CAMK4: variants seen among roughly 807,000 people sequenced by gnomAD.
CAMK4 encodes the protein calcium/calmodulin dependent protein kinase IV, also known as calcium/calmodulin-dependent protein kinase type IV.
A neutral mutation model predicts 44.9 loss-of-function variants in CAMK4; 22 were observed. The observed-to-expected ratio is 0.49, with a 90% confidence interval of 0.35 to 0.70. The LOEUF (loss-of-function observed/expected upper bound fraction) is 0.70. Among genes scored for constraint, CAMK4 ranks in the 30% least tolerant of loss-of-function variants. The probability of loss-of-function intolerance (pLI) is 0.01; values close to 1 mark genes in which losing one functional copy is unlikely to be tolerated. For synonymous variants in CAMK4, 218 were observed against 215.4 expected, an observed-to-expected ratio of 1.01 and a Z score of -0.11; for missense variants, 498 against 586.8, an observed-to-expected ratio of 0.85 and a Z score of 1.56.
In CAMK4 at chr5:111,374,847, T is replaced by A; in HGVS notation, c.241-3T>A. 1 of 1,603,100 alleles carries A rather than the reference T, an allele frequency of 6.2e-7. No individual in the cohort carries two copies. Among genetic ancestry groups the A allele is most frequent in the Non-Finnish European group, 8.5e-7 (1 of 1,170,424 alleles). Reference sequence around the variant, plus strand: ...AGTTTATCTCTTTTATTTTGCCTTTTAGGTGGACAAAAAAATCGTAAGAAC... The same window carrying A: ...AGTTTATCTCTTTTATTTTGCCTTTAAGGTGGACAAAAAAATCGTAAGAAC... On this transcript the variant is annotated splice_polypyrimidine_tract_variant and splice_region_variant and intron_variant, in intron 2 of 10. Coordinates refer to ENST00000282356, the MANE Select transcript of CAMK4 (RefSeq NM_001744.6).
At position 111,289,688 on chromosome 5, in the gene CAMK4, T is replaced by C. The variant is rs561400626; in HGVS notation, c.162-54336T>C. On this transcript the variant is annotated intron_variant, in intron 1 of 10. Coordinates refer to ENST00000282356, the MANE Select transcript of CAMK4 (RefSeq NM_001744.6). ...TGACTGCTGGGTAGTTCCACATCTT[T>C]ATCCCCAAGAGATCTAAACCTTTAG... Among the ~76,000 whole-genome samples the C allele has an allele frequency of 1.1e-3, 160 of 152,340 alleles. 1 individual carries two copies. The highest frequency in any genetic ancestry group is 3.7e-3 in the African/African-American group (153 of 41,578).
At chr5:111,243,228 G>T (rs1730508437) in intron 1 of CAMK4, among the ~76,000 whole-genome samples, 1 of 152,194 alleles carries the variant, frequency 6.6e-6, no homozygotes, top group Admixed American at 6.5e-5. Flanking sequence ...TTATAGCCAA[G>T]GGGCAAGGAC....
intron 1 of CAMK4, among the ~76,000 whole-genome samples, chr5:111,275,193 G>A (rs913948714): frequency 6.6e-6 from 1 of 152,030 alleles, no homozygotes; most frequent in African/African-American, 2.4e-5. Flanking sequence ...ACTATTAACT[G>A]TGGTCACTAT....
chr5:111,269,506 G>T (rs1158439553), intron 1 of CAMK4, among the ~76,000 whole-genome samples: 1 of 152,128 alleles, frequency 6.6e-6, no homozygotes, highest in African/African-American at 2.4e-5. Context: ...TTGCTGTGCA[G>T]TGGCTGGTCT....
At chr5:111,457,677 A>G (rs1279888907) in intron 7 of CAMK4, among the ~76,000 whole-genome samples, 3 of 152,258 alleles carry the variant, frequency 2.0e-5, no homozygotes, top group African/African-American at 4.8e-5. Context: ...ACATGAACAC[A>G]TATGAAAAAT....
At chr5:111,428,231 C>G (rs997614408) in intron 5 of CAMK4, among the ~76,000 whole-genome samples, 3 of 152,360 alleles carry the variant, frequency 2.0e-5, no homozygotes, top group African/African-American at 7.2e-5. Context: ...CACGTCCTTT[C>G]AAATATCTGA....
chr5:111,244,752 T>C (rs1361310254), intron 1 of CAMK4, among the ~76,000 whole-genome samples: 1 of 152,030 alleles, frequency 6.6e-6, no homozygotes, highest in Admixed American at 6.6e-5. Context: ...TCCCAGCTAC[T>C]TGGGGGGCTG....
intron 7 of CAMK4, among the ~76,000 whole-genome samples, chr5:111,464,246 T>C (rs1370424411): frequency 6.6e-6 from 1 of 151,520 alleles, no homozygotes; most frequent in African/African-American, 2.4e-5. Flanking sequence ...GCTTCAGAGC[T>C]CGAAGACAAA....
rs191288838 is a variant in CAMK4, at chr5:111,375,812, C to G, written c.303+900C>G. ...CAGTGCATTGACTTTCATCCTCATGCTTTTCCCTCCTGGGCCTAACATGGC... is the reference window on the plus strand; with the variant it reads ...CAGTGCATTGACTTTCATCCTCATGGTTTTCCCTCCTGGGCCTAACATGGC... On this transcript the variant is annotated intron_variant, in intron 3 of 10. Coordinates refer to ENST00000282356, the MANE Select transcript of CAMK4 (RefSeq NM_001744.6). Among the ~76,000 whole-genome samples, 11 of 152,266 alleles carry G rather than the reference C, an allele frequency of 7.2e-5. No homozygotes were observed. The East Asian group carries it at 1.9e-3, about 27-fold the overall frequency.
At chr5:111,480,249 A>AACAC (rs532395570) in intron 9 of CAMK4, among the ~76,000 whole-genome samples, 4,589 of 121,218 alleles carry the variant, frequency 0.038, 118 homozygotes, top group Middle Eastern at 0.08. Context: ...TAGGCATGTA[A>AACAC]ACACACACAC....
intron 1 of CAMK4, among the ~76,000 whole-genome samples, chr5:111,251,322 G>C (rs138767564): frequency 1.0e-3 from 159 of 152,306 alleles, no homozygotes; most frequent in African/African-American, 3.2e-3. Flanking sequence ...TCATTTCAGA[G>C]GAAGAGATTT....
At chr5:111,330,576 C>A (rs997940464) in intron 1 of CAMK4, among the ~76,000 whole-genome samples, 8 of 151,428 alleles carry the variant, frequency 5.3e-5, no homozygotes, top group African/African-American at 1.9e-4. Context: ...AACCAGAATA[C>A]CCCAAGTTAT....
chr5:111,461,652 T>A (rs1460237913), intron 7 of CAMK4, among the ~76,000 whole-genome samples: 1 of 151,754 alleles, frequency 6.6e-6, no homozygotes, highest in East Asian at 1.9e-4. Context: ...TAACACTGCT[T>A]TTCAGCCTCC....
intron 5 of CAMK4, among the ~76,000 whole-genome samples, chr5:111,408,430 A>G (rs1752514579): frequency 1.3e-5 from 2 of 152,200 alleles, no homozygotes; most frequent in African/African-American, 4.8e-5. Context: ...CTTATTCACT[A>G]CCATGAGAAT....
At chr5:111,434,484 C>T (rs13188417) in intron 5 of CAMK4, among the ~76,000 whole-genome samples, 18,216 of 152,104 alleles carry the variant, frequency 0.12, 1,205 homozygotes, top group South Asian at 0.13. Flanking sequence ...TCAGGGGCCC[C>T]GAAGCTTGGC....
chr5:111,442,319 C>T (rs935176025), intron 5 of CAMK4, among the ~76,000 whole-genome samples: 16 of 152,036 alleles, frequency 1.1e-4, no homozygotes, highest in African/African-American at 3.9e-4. Flanking sequence ...CATGGTGAAA[C>T]CCTGTCTCTA....
In CAMK4 at chr5:111,488,364, G is replaced by C. The variant is rs1316379286; in HGVS notation, c.*3898G>C. Reference sequence around the variant, plus strand: ...GCCATTACACATGGATTTAACAAAAGACTTTTGAAAATTTTTTACATACTG... The same window carrying C: ...GCCATTACACATGGATTTAACAAAACACTTTTGAAAATTTTTTACATACTG... On this transcript the variant is annotated 3_prime_UTR_variant, in exon 11 of 11. Coordinates refer to ENST00000282356, the MANE Select transcript of CAMK4 (RefSeq NM_001744.6). 1.3e-5 allele frequency: 2 copies of C among 152,112 alleles called. No individual in the cohort carries two copies. The highest frequency in any genetic ancestry group is 2.4e-5 in the African/African-American group (1 of 41,426). The allele number at this position is 152,112 out of a possible 1,614,324, so 9.4% of individuals were successfully genotyped here.
chr5:111,311,679 C>T (rs1424428419), intron 1 of CAMK4, among the ~76,000 whole-genome samples: 1 of 152,132 alleles, frequency 6.6e-6, no homozygotes, highest in Non-Finnish European at 1.5e-5. Flanking sequence ...GGAATTTTTG[C>T]AAAGCCTTCA....
At chr5:111,346,164 A>G (rs1749855367) in intron 2 of CAMK4, among the ~76,000 whole-genome samples, 2 of 151,930 alleles carry the variant, frequency 1.3e-5, no homozygotes, top group Non-Finnish European at 2.9e-5. Flanking sequence ...TCTAAAGGAA[A>G]TGAATGAAGC....
Sources: gnomAD v4.1 joint callset for allele counts (sites outside exome capture counted in the v4.1 genomes callset) on GRCh38, gnomAD v4.1.1 for gene constraint, MANE v1.5 for transcripts, NCBI Gene and HGNC (gene_info 2026-07-23, HGNC 2026-07-21) for gene names.